Variants in CCDC171 observed in about 807,000 individuals in gnomAD.
The protein encoded by CCDC171 is coiled-coil domain containing 171.
Under a neutral mutation model 168.2 loss-of-function variants are expected in CCDC171, and 177 were observed. The observed-to-expected ratio is 1.05, with a 90% confidence interval of 0.93 to 1.19. The LOEUF (loss-of-function observed/expected upper bound fraction) is 1.19, where lower values mean the gene tolerates loss of function less well. CCDC171 is among the 50% of genes most tolerant of loss of function. The probability of loss-of-function intolerance (pLI) is 0.00; values close to 1 mark genes in which losing one functional copy is unlikely to be tolerated. For missense variants in CCDC171, 1,991 were observed against 1,539.0 expected, an observed-to-expected ratio of 1.29 and a Z score of -4.91; for synonymous variants, 687 against 540.8, an observed-to-expected ratio of 1.27 and a Z score of -3.75.
chr9:15,651,909 A>G (rs182249531), intron 7 of CCDC171, among the ~76,000 whole-genome samples: 3 of 151,980 alleles, frequency 2.0e-5, no homozygotes, highest in African/African-American at 4.8e-5. Context: ...GGTCATGAAG[A>G]TTTTTGGATT....
chr9:15,694,887 A>G lies in CCDC171; in HGVS notation c.1216-348A>G, dbSNP rs150018448. Among the ~76,000 whole-genome samples, 69 of 152,298 alleles carry G rather than the reference A, an allele frequency of 4.5e-4. No homozygotes were observed. In the East Asian group the frequency reaches 0.013, roughly 28 times the overall value. ...AACTTGCCATATGACTGTAGTCATG[A>G]TTTTTTAAGTGTTCCATAATTCCTC... On this transcript the variant is annotated intron_variant, in intron 10 of 25. Coordinates refer to ENST00000380701, the MANE Select transcript of CCDC171 (RefSeq NM_173550.4).
upstream of CCDC171, among the ~76,000 whole-genome samples, chr9:16,042,122 G>C (rs1410452): frequency 0.41 from 61,924 of 152,056 alleles, 14,111 homozygotes; most frequent in East Asian, 0.73. Flanking sequence ...GTTCGTCGTG[G>C]AGCAAGACTC....
chr9:15,838,101 C>G (rs1217835665), intron 21 of CCDC171, among the ~76,000 whole-genome samples: 1 of 151,806 alleles, frequency 6.6e-6, no homozygotes, highest in Non-Finnish European at 1.5e-5. Flanking sequence ...ATTCATATAC[C>G]TTGTAGGATT....
intron 3 of CCDC171, among the ~76,000 whole-genome samples, chr9:16,019,892 G>C (rs1363632081): frequency 6.6e-6 from 1 of 152,142 alleles, no homozygotes; most frequent in African/African-American, 2.4e-5. Context: ...GTTATCAATA[G>C]GCTCTGGCAC....
In CCDC171 at chr9:15,591,571, A is replaced by T; in HGVS notation, c.543+15A>T. 1 of 1,400,376 alleles carries T rather than the reference A, an allele frequency of 7.1e-7. No homozygotes were observed. Among genetic ancestry groups the T allele is most frequent in the African/African-American group, 1.5e-5 (1 of 68,138 alleles). The allele number at this position is 1,400,376 out of a possible 1,614,324, so 86.7% of individuals were successfully genotyped here. A position where few individuals can be genotyped will look rare whatever the true frequency, so the allele number is the denominator to read the frequency against. On this transcript the variant is annotated intron_variant, in intron 5 of 25. Transcript: ENST00000380701. ...AAACTCTACAGGTAAAATAGTTTTT[A>T]TAAAGGAATTTTCCGATATGTAATA...
At chr9:15,615,600 T>C (rs1043068927) in intron 6 of CCDC171, among the ~76,000 whole-genome samples, 4 of 152,150 alleles carry the variant, frequency 2.6e-5, no homozygotes, top group Non-Finnish European at 5.9e-5. Flanking sequence ...ATCACCAAAA[T>C]AAACATCATA....
At position 15,819,128 on chromosome 9, in the gene CCDC171, C is replaced by T. The variant is rs183092722; in HGVS notation, c.3268-27574C>T. On this transcript the variant is annotated intron_variant, in intron 21 of 25. Coordinates refer to ENST00000380701, the MANE Select transcript of CCDC171 (RefSeq NM_173550.4). ...AGTGAAGGAGAAATAAAATCCTTTA[C>T]AGACAAGCAAATGCTGAGAGATTTT... 1.7e-3 allele frequency among the ~76,000 whole-genome samples: 201 copies of T among 117,212 alleles called. 42 individuals are homozygous for T. The East Asian group carries it at 0.042, about 25-fold the overall frequency. 76.9% of individuals were successfully genotyped at this position (117,212 alleles called of 152,430 possible). A position where few individuals can be genotyped will look rare whatever the true frequency, so the allele number is the denominator to read the frequency against.
rs537865850 is a variant in CCDC171 at position 15,581,535 on chromosome 9, A to G, written c.352+2512A>G. On this transcript the variant is annotated intron_variant, in intron 4 of 25. Transcript: ENST00000380701. ...ACGCTACCTGACTTCAAACTATACTACAAGAATACAGTAACCAAAACAACA... is the reference window on the plus strand; with the variant it reads ...ACGCTACCTGACTTCAAACTATACTGCAAGAATACAGTAACCAAAACAACA... 2.0e-5 allele frequency among the ~76,000 whole-genome samples: 3 copies of G among 152,336 alleles called. No individual in the cohort carries two copies. In the South Asian group the frequency reaches 6.2e-4, roughly 32 times the overall value.
At chr9:15,992,771 A>G (rs530411295) in intron 3 of CCDC171, among the ~76,000 whole-genome samples, 64 of 152,372 alleles carry the variant, frequency 4.2e-4, no homozygotes, top group Admixed American at 7.2e-4. Flanking sequence ...TCAATGTGCA[A>G]AAATCACAAG....
intron 3 of CCDC171, among the ~76,000 whole-genome samples, chr9:15,994,795 C>T (rs538616488): frequency 6.6e-6 from 1 of 152,302 alleles, no homozygotes. Context: ...CACCATCAGT[C>T]AATGAATGAA....
At chr9:15,559,906 A>C (rs949426465) in intron 1 of CCDC171, among the ~76,000 whole-genome samples, 1 of 151,768 alleles carries the variant, frequency 6.6e-6, no homozygotes, top group Non-Finnish European at 1.5e-5. Flanking sequence ...TTCCTTCAGG[A>C]GCTCTTGTAA....
chr9:15,926,593 G>A (rs1825923817), intron 25 of CCDC171, among the ~76,000 whole-genome samples: 1 of 151,506 alleles, frequency 6.6e-6, no homozygotes, highest in African/African-American at 2.4e-5. Context: ...TTAGAATCAG[G>A]CAGGCCTGGA....
intron 18 of CCDC171, among the ~76,000 whole-genome samples, chr9:15,767,490 G>C (rs1355639307): frequency 6.6e-6 from 1 of 151,660 alleles, no homozygotes; most frequent in Non-Finnish European, 1.5e-5. Flanking sequence ...CCACTGATTA[G>C]CAAACTTCAT....
At chr9:16,028,939 T>C (rs1833321919) in intron 6 of CCDC171, among the ~76,000 whole-genome samples, 1 of 152,172 alleles carries the variant, frequency 6.6e-6, no homozygotes, top group East Asian at 1.9e-4. Context: ...TACTGTAGTC[T>C]GACAGCTCTC....
chr9:15,677,361 A>C (rs2049658464), intron 9 of CCDC171, among the ~76,000 whole-genome samples: 1 of 152,166 alleles, frequency 6.6e-6, no homozygotes, highest in Non-Finnish European at 1.5e-5. Flanking sequence ...TATACAAAAA[A>C]AGTTAACACT....
intron 6 of CCDC171, among the ~76,000 whole-genome samples, chr9:16,030,635 T>A (rs1833351388): frequency 6.6e-6 from 1 of 152,204 alleles, no homozygotes; most frequent in South Asian, 2.1e-4. Context: ...GGAGGTCCCA[T>A]GCTTGGTCAG....
chr9:15,885,644 G>C (rs376970014), intron 24 of CCDC171: 2 of 152,100 alleles, frequency 1.3e-5, no homozygotes, highest in African/African-American at 4.8e-5. Flanking sequence ...TGTCAGTTAA[G>C]GCTCTCTTAA....
exon 2 of CCDC171, chr9:16,061,008 C>T (rs1004103091): frequency 1.3e-5 from 2 of 152,166 alleles, no homozygotes; most frequent in African/African-American, 4.8e-5. Context: ...TTCTGTTGGA[C>T]CTTGAAAGAC....
At position 15,784,686 on chromosome 9, in the gene CCDC171, G is replaced by A; in HGVS notation, c.3259G>A (p.Ala1087Thr). The A allele has an allele frequency of 1.2e-6, 2 of 1,611,000 alleles. No individual in the cohort carries two copies. The highest frequency in any genetic ancestry group is 1.7e-6 in the Non-Finnish European group (2 of 1,177,934). Residue 1087 changes from alanine (A) to threonine (T), a missense_variant, in exon 21 of 26, where the codon GCT becomes ACT. Transcript: ENST00000380701. ...TGACAAAAACCAAACTCTTGGAGAA[G>A]CTGTTAAGGTAAGAGAATAAAGGGA... is the stretch of plus-strand genomic sequence containing the variant. ...EADKNQTLGE[A>T]VKSLSEAKME... is the part of the protein sequence containing the mutation.
Sources: gnomAD v4.1 joint callset for allele counts (sites outside exome capture counted in the v4.1 genomes callset) on GRCh38, gnomAD v4.1.1 for gene constraint, MANE v1.5 for transcripts, NCBI Gene and HGNC (gene_info 2026-07-23, HGNC 2026-07-21) for gene names.